Variants in RBM41 observed in about 807,000 individuals in gnomAD.
The protein encoded by RBM41 is RNA binding motif protein 41, also known as RNA-binding protein 41.
In RBM41, 14 loss-of-function variants were observed where a neutral mutation model predicts 30.8. The observed-to-expected ratio is 0.45, with a 90% CI of 0.30 to 0.71. RBM41 has a LOEUF of 0.71. Ranked by LOEUF, RBM41 falls within the 30% of genes least tolerant of loss-of-function variation. The probability of loss-of-function intolerance (pLI) is 0.08; values close to 1 mark genes in which losing one functional copy is unlikely to be tolerated. For synonymous variants in RBM41, 120 were observed against 110.1 expected, an observed-to-expected ratio of 1.09 and a Z score of -0.56; for missense variants, 276 against 326.3, an observed-to-expected ratio of 0.85 and a Z score of 1.19.
chrX:107,080,334 T>C (rs1341712002), intron 6 of RBM41, among the ~76,000 whole-genome samples: 1 of 109,145 alleles, frequency 9.2e-6, no homozygotes, highest in Admixed American at 9.7e-5. Flanking sequence ...ATCCCAGCAC[T>C]ATGGGAGGCC....
chrX:107,103,068 T>C (rs1371745672), intron 5 of RBM41, among the ~76,000 whole-genome samples: 1 of 110,918 alleles, frequency 9.0e-6, no homozygotes, highest in Non-Finnish European at 1.9e-5. Context: ...AGTTGGTATT[T>C]AGATGATATT....
At chrX:107,076,349 AAATAAATAAATAAAT>A (rs1227378184) in intron 6 of RBM41, among the ~76,000 whole-genome samples, 9 of 107,841 alleles carry the variant, frequency 8.3e-5, no homozygotes, top group African/African-American at 3.0e-4. Context: ...ATAAATAAAT[AAATAAATAAATAAAT>A]AAAATACAAT....
At position 107,113,546 on chromosome X, in the gene RBM41, T is replaced by C; in HGVS notation, c.524-78A>G. The C allele has an allele frequency of 3.1e-6, 3 of 966,390 alleles. No homozygotes were observed. In the South Asian group the frequency reaches 6.2e-5, roughly 20 times the overall value. 79.6% of individuals were successfully genotyped at this position (966,390 alleles called of 1,213,427 possible). ...TAAACCACCCACCCTCCACCCCAAATACCAGGTACTGCTTTAAGTGATTTA... is the reference window on the plus strand; with the variant it reads ...TAAACCACCCACCCTCCACCCCAAACACCAGGTACTGCTTTAAGTGATTTA... On this transcript the variant is annotated intron_variant, in intron 4 of 7. Coordinates refer to ENST00000685964, the MANE Select transcript of RBM41 (RefSeq NM_001324242.2).
intron 7 of RBM41, 76 bp from the exon 8 acceptor site, chrX:107,067,769 T>G (rs1935901150): frequency 9.3e-7 from 1 of 1,070,485 alleles, no homozygotes; most frequent in African/African-American, 1.9e-5. Context: ...GTTTAGATTA[T>G]TTTGCCTTGG....
At chrX:107,091,247 C>T (rs1198272270) in intron 5 of RBM41, among the ~76,000 whole-genome samples, 1 of 111,982 alleles carries the variant, frequency 8.9e-6, no homozygotes, top group Non-Finnish European at 1.9e-5. Flanking sequence ...TCATTAGCTT[C>T]TTCCTACAAT....
In RBM41 at chrX:107,088,443, G is replaced by T; in HGVS notation, c.992C>A (p.Pro331Gln). ...ACTTGGTTTGGCCTATACCTTGTTT[G>T]GTTCCCCTGGATTATATGAAGAAAA... ...PMFSSYNPGE[P>Q]NKVLYLKNLS... Residue 331 changes from proline to glutamine, a missense_variant, in exon 6 of 8, where the codon CCA (proline) becomes CAA (glutamine). Transcript: ENST00000685964. 1 of 1,209,241 alleles carries T rather than the reference G, an allele frequency of 8.3e-7. No homozygotes were observed. The highest frequency in any genetic ancestry group is 1.1e-6 in the Non-Finnish European group (1 of 893,823).
At chrX:107,054,083 C>T in the RBM41 span, among the ~76,000 whole-genome samples, 2 of 109,047 alleles carry the variant, frequency 1.8e-5, no homozygotes, top group Non-Finnish European at 3.8e-5. Context: ...GCAGTGAGAG[C>T]GAAAGGGGGT....
the RBM41 span, among the ~76,000 whole-genome samples, chrX:107,052,864 C>T: frequency 3.4e-4 from 38 of 111,065 alleles, no homozygotes; most frequent in Non-Finnish European, 7.0e-4. Context: ...ACATTGTATT[C>T]GATCTCGAAT....
intron 5 of RBM41, among the ~76,000 whole-genome samples, chrX:107,109,404 C>T (rs1366651075): frequency 9.0e-6 from 1 of 111,446 alleles, no homozygotes; most frequent in Non-Finnish European, 1.9e-5. Flanking sequence ...AGATTAAAAG[C>T]AAAAAGATGG....
intron 7 of RBM41, among the ~76,000 whole-genome samples, chrX:107,068,792 C>G (rs889694596): frequency 8.9e-6 from 1 of 112,029 alleles, no homozygotes. Flanking sequence ...AGAAGCTATG[C>G]ATTAATTAAT....
chrX:107,052,362 G>A, the RBM41 span, among the ~76,000 whole-genome samples: 3 of 111,114 alleles, frequency 2.7e-5, no homozygotes, highest in Admixed American at 9.6e-5. Flanking sequence ...TGCAAGCCCC[G>A]TGTTTAAAGG....
At chrX:107,055,744 TC>T in the RBM41 span, among the ~76,000 whole-genome samples, 4 of 112,637 alleles carry the variant, frequency 3.6e-5, no homozygotes, top group African/African-American at 1.3e-4. Flanking sequence ...GGGTTTGAAT[TC>T]CTCAAAGTTC....
intron 6 of RBM41, among the ~76,000 whole-genome samples, chrX:107,087,675 G>A (rs1922154862): frequency 8.9e-6 from 1 of 112,111 alleles, no homozygotes; most frequent in Non-Finnish European, 1.9e-5. Flanking sequence ...GCATGATCTC[G>A]GCTCACTGCA....
In RBM41 at chrX:107,065,779, A is replaced by C; in HGVS notation, c.*1748T>G. The C allele has an allele frequency of 8.7e-7, 1 of 1,149,476 alleles. No individual in the cohort carries two copies. Among genetic ancestry groups the C allele is most frequent in the Non-Finnish European group, 1.2e-6 (1 of 863,711 alleles). The allele number at this position is 1,149,476 out of a possible 1,213,427, so 94.7% of individuals were successfully genotyped here. On this transcript the variant is annotated 3_prime_UTR_variant, in exon 8 of 8. Transcript: ENST00000685964. Reference sequence around the variant, plus strand: ...TCAACCTGTTATCGGCAAATATATTATATTTTATACGTTATAGGCCAAACG... The same window carrying C: ...TCAACCTGTTATCGGCAAATATATTCTATTTTATACGTTATAGGCCAAACG...
chrX:107,069,772 T>C (rs768889855), intron 6 of RBM41: 121 of 126,557 alleles, frequency 9.6e-4, no homozygotes, highest in Non-Finnish European at 1.7e-3. Context: ...AACTCTTTCA[T>C]TATGATTAGA....
intron 6 of RBM41, among the ~76,000 whole-genome samples, chrX:107,073,118 G>A (rs1207767005): frequency 9.0e-6 from 1 of 111,582 alleles, no homozygotes; most frequent in Admixed American, 9.6e-5. Context: ...AAAAGCACAG[G>A]CAACGAAAGC....
At chrX:107,069,187 G>A in intron 7 of RBM41, 68 bp downstream of exon 7, 1 of 926,916 alleles carries the variant, frequency 1.1e-6, no homozygotes, top group East Asian at 3.2e-5. Context: ...ATCTAAATTA[G>A]AGAGGTTATA....
At chrX:107,074,585 CAT>C (rs1936171384) in intron 6 of RBM41, among the ~76,000 whole-genome samples, 1 of 111,645 alleles carries the variant, frequency 9.0e-6, no homozygotes, top group Non-Finnish European at 1.9e-5. Flanking sequence ...AAAAAATCAA[CAT>C]AGAAAAATTC....
intron 5 of RBM41, among the ~76,000 whole-genome samples, chrX:107,093,346 A>G (rs983442766): frequency 1.8e-5 from 2 of 111,409 alleles, no homozygotes; most frequent in East Asian, 5.6e-4. Flanking sequence ...TCAAGGTAGG[A>G]GTATGTCTCA....
Sources: allele counts gnomAD v4.1 joint callset (sites outside exome capture counted in the v4.1 genomes callset), GRCh38; gene constraint gnomAD v4.1.1; transcripts MANE v1.5; gene names NCBI Gene and HGNC (gene_info 2026-07-23, HGNC 2026-07-21).